Variants in QKI observed in about 807,000 individuals in gnomAD.
The protein encoded by QKI is KH domain-containing RNA-binding protein QKI.
In QKI, 10 loss-of-function variants were observed where a neutral mutation model predicts 39.0. The ratio of observed to expected loss-of-function variants is 0.26; its 90% CI spans 0.16 to 0.43. The LOEUF is 0.43. QKI is among the 20% of genes least tolerant of loss of function. The pLI is 1.00. For synonymous variants in QKI, 204 were observed against 155.4 expected, an observed-to-expected ratio of 1.31 and a Z score of -2.33; for missense variants, 218 against 428.0, an observed-to-expected ratio of 0.51 and a Z score of 4.33.
chr6:163,562,863 A>AT (rs1330950217), intron 5 of QKI, among the ~76,000 whole-genome samples: 1 of 152,240 alleles, frequency 6.6e-6, no homozygotes, highest in Non-Finnish European at 1.5e-5. Flanking sequence ...AAATGTGAGT[A>AT]TATCATTAAT....
At chr6:163,418,726 A>T (rs554693207) in intron 1 of QKI, among the ~76,000 whole-genome samples, 2 of 152,184 alleles carry the variant, frequency 1.3e-5, no homozygotes, top group Non-Finnish European at 2.9e-5. Flanking sequence ...CTGAACCCTT[A>T]GAGCAGTTAA....
At chr6:163,456,372 C>T (rs192945458) in intron 2 of QKI, among the ~76,000 whole-genome samples, 2 of 152,172 alleles carry the variant, frequency 1.3e-5, no homozygotes, top group East Asian at 3.9e-4. Context: ...TTATTCACTG[C>T]TGTATCCCTC....
intron 7 of QKI, chr6:163,569,521 T>A (rs574867920): frequency 8.0e-7 from 1 of 1,253,128 alleles, no homozygotes; most frequent in South Asian, 1.4e-5. Flanking sequence ...TCTTAAAAAT[T>A]ATACTACTGT....
chr6:163,434,044 G>A (rs963313355), intron 1 of QKI, among the ~76,000 whole-genome samples: 2 of 152,024 alleles, frequency 1.3e-5, no homozygotes, highest in Non-Finnish European at 2.9e-5. Context: ...AACCGATGTC[G>A]ATTCCTGCTG....
chr6:163,570,808 G>A lies in QKI; in HGVS notation c.*98G>A, dbSNP rs1379987709. On this transcript the variant is annotated 3_prime_UTR_variant, in exon 8 of 8. Transcript: ENST00000361752. ...TGGTAATCGCCTTTGCTTGCCTGTCGTCAGTGCAGCGAGCTGAGGCACTTG... is the reference window on the plus strand; with the variant it reads ...TGGTAATCGCCTTTGCTTGCCTGTCATCAGTGCAGCGAGCTGAGGCACTTG... 72 of 1,507,456 alleles carry A rather than the reference G, an allele frequency of 4.8e-5. 1 individual carries two copies. In the South Asian group the frequency reaches 7.6e-4, roughly 16 times the overall value. 93.4% of individuals were successfully genotyped at this position (1,507,456 alleles called of 1,614,324 possible).
At chr6:163,543,452 G>A (rs4709721) in intron 4 of QKI, among the ~76,000 whole-genome samples, 10,176 of 152,086 alleles carry the variant, frequency 0.067, 575 homozygotes, top group Admixed American at 0.18. Flanking sequence ...GACCCAGAGT[G>A]TGGTAATTAG....
At chr6:163,499,216 T>C (rs181958596) in intron 3 of QKI, among the ~76,000 whole-genome samples, 1 of 152,320 alleles carries the variant, frequency 6.6e-6, no homozygotes, top group African/African-American at 2.4e-5. Context: ...TCTTGCAGTA[T>C]TAAAAATAAT....
intron 4 of QKI, among the ~76,000 whole-genome samples, chr6:163,553,671 G>A (rs977823121): frequency 2.0e-5 from 3 of 152,060 alleles, no homozygotes; most frequent in Admixed American, 1.3e-4. Context: ...ATCACAGATT[G>A]TATCGTATTT....
At chr6:163,492,022 G>A (rs367891776) in intron 3 of QKI, among the ~76,000 whole-genome samples, 10 of 152,132 alleles carry the variant, frequency 6.6e-5, no homozygotes, top group East Asian at 5.8e-4. Flanking sequence ...AGTCAATTTC[G>A]TTAAGGAATA....
chr6:163,482,592 A>G (rs1039776528), intron 3 of QKI, among the ~76,000 whole-genome samples: 3 of 140,450 alleles, frequency 2.1e-5, no homozygotes, highest in Admixed American at 7.1e-5. Context: ...GGTTCAATTA[A>G]TTTGCTAGAG....
chr6:163,482,344 A>G (rs552681931), intron 3 of QKI, among the ~76,000 whole-genome samples: 2 of 152,354 alleles, frequency 1.3e-5, no homozygotes, highest in South Asian at 4.1e-4. Context: ...ACCACCCAGT[A>G]CACTTGTGAC....
chr6:163,484,525 C>G (rs575342281), intron 3 of QKI, among the ~76,000 whole-genome samples: 83 of 152,188 alleles, frequency 5.5e-4, no homozygotes, highest in African/African-American at 1.9e-3. Context: ...TTTAAGGGCC[C>G]TAGTATTTTT....
chr6:163,446,176 TTTATTTATTCAG>T (rs983927633), intron 1 of QKI, among the ~76,000 whole-genome samples: 6 of 152,152 alleles, frequency 3.9e-5, no homozygotes, highest in Admixed American at 2.6e-4. Flanking sequence ...CCCCCTTGTA[TTTATTTATTCAG>T]TTATTTATAT....
At chr6:163,432,857 T>C (rs555036385) in intron 1 of QKI, among the ~76,000 whole-genome samples, 6 of 152,202 alleles carry the variant, frequency 3.9e-5, no homozygotes, top group African/African-American at 1.4e-4. Context: ...TTTTGAAGGG[T>C]GATTAGTTAA....
Position 163,569,286 on chromosome 6 carries a change from A to G in QKI, c.1010-1408A>G, listed in dbSNP as rs539311008. 4 of 1,025,394 alleles carry G rather than the reference A, an allele frequency of 3.9e-6. No homozygotes were observed. In the African/African-American group the frequency reaches 5.2e-5, roughly 13 times the overall value. 63.5% of individuals were successfully genotyped at this position (1,025,394 alleles called of 1,614,324 possible). On this transcript the variant is annotated intron_variant, in intron 7 of 7. Transcript: ENST00000361752. ...TATAAACTGTTCTAAATGATAGACT[A>G]TAGAAAACATTTTTGTCATATGAAG...
chr6:163,415,786 C>T, intron 1 of QKI: 3 of 409,758 alleles, frequency 7.3e-6, no homozygotes, highest in Non-Finnish European at 9.7e-6. Flanking sequence ...CCCGAGCCTG[C>T]TCTGCGCGGA....
chr6:163,439,001 T>C (rs1015570988), intron 1 of QKI, among the ~76,000 whole-genome samples: 1 of 152,178 alleles, frequency 6.6e-6, no homozygotes, highest in Non-Finnish European at 1.5e-5. Context: ...TTTCGAACTT[T>C]TCTATTTAAT....
intron 2 of QKI, among the ~76,000 whole-genome samples, chr6:163,457,757 G>T (rs528433674): frequency 2.0e-5 from 3 of 151,856 alleles, no homozygotes; most frequent in Non-Finnish European, 4.4e-5. Context: ...GTGAAGTGAT[G>T]AATTAAACAG....
At position 163,513,636 on chromosome 6, in the gene QKI, C is replaced by A. The variant is rs187528715; in HGVS notation, c.403-21346C>A. On this transcript the variant is annotated intron_variant, in intron 3 of 7. Transcript: ENST00000361752. ...AGCAATCTATACTACCAGGAATGTT[C>A]GATGATGCAGCATTTTTAAAAGAGT... Among the ~76,000 whole-genome samples the A allele has an allele frequency of 2.0e-5, 3 of 152,184 alleles. No individual in the cohort carries two copies. In the East Asian group the frequency reaches 5.8e-4, roughly 29 times the overall value.
Sources: gnomAD v4.1 joint callset for allele counts (sites outside exome capture counted in the v4.1 genomes callset) on GRCh38, gnomAD v4.1.1 for gene constraint, MANE v1.5 for transcripts, NCBI Gene and HGNC (gene_info 2026-07-23, HGNC 2026-07-21) for gene names.